CCDC186: variants seen among roughly 807,000 people sequenced by gnomAD.
CCDC186 encodes the protein coiled-coil domain-containing protein 186.
In CCDC186, 49 loss-of-function variants were observed where a neutral mutation model predicts 113.7. The ratio of observed to expected loss-of-function variants is 0.43; its 90% confidence interval spans 0.34 to 0.55. CCDC186 has a LOEUF of 0.55. CCDC186 is among the 20% of genes least tolerant of loss of function. The pLI is 0.02. For missense variants in CCDC186, 890 were observed against 1,011.1 expected (o/e 0.88, Z 1.62); for synonymous variants, 355 against 345.8 (o/e 1.03, Z -0.30).
In CCDC186 at chr10:114,160,867, T is replaced by A. The variant is rs978404671; in HGVS notation, c.632+1770A>T. Among the ~76,000 whole-genome samples the A allele has an allele frequency of 1.9e-4, 29 of 152,350 alleles. No individual in the cohort carries two copies. In the East Asian group the frequency reaches 5.4e-3, roughly 28 times the overall value. ...TTTGGAATTAAAAACATCATGTGTA[T>A]AACCAAAAATTAACCTTGATTTAAA... On this transcript the variant is annotated intron_variant, in intron 2 of 15. Transcript: ENST00000369287.
chr10:114,150,368 T>A (rs978397401), intron 4 of CCDC186, among the ~76,000 whole-genome samples: 6 of 152,156 alleles, frequency 3.9e-5, no homozygotes, highest in Admixed American at 3.3e-4. Context: ...CCAAGGTATA[T>A]TAAGTATGGG....
At chr10:114,157,178 AT>A (rs34377537) in intron 3 of CCDC186, among the ~76,000 whole-genome samples, 11,286 of 121,120 alleles carry the variant, frequency 0.093, 226 homozygotes, top group Middle Eastern at 0.14. Context: ...AGTTTTCAGA[AT>A]TTTTTTTTTT....
intron 10 of CCDC186, 130 bp downstream of exon 10, chr10:114,134,783 A>G: frequency 2.1e-6 from 2 of 955,184 alleles, no homozygotes; most frequent in Non-Finnish European, 3.1e-6. Context: ...GATAAAGAGA[A>G]AATATTTAAA....
chr10:114,160,161 T>C (rs1430814404), intron 2 of CCDC186, among the ~76,000 whole-genome samples: 1 of 151,894 alleles, frequency 6.6e-6, no homozygotes. Context: ...TCCCAGCTAC[T>C]TGGGAGCCTG....
intron 2 of CCDC186, among the ~76,000 whole-genome samples, chr10:114,158,484 TA>T (rs1297396458): frequency 6.6e-6 from 1 of 152,010 alleles, no homozygotes; most frequent in East Asian, 1.9e-4. Context: ...TTTTTTAATT[TA>T]AAAAAGTGTA....
In CCDC186 at chr10:114,125,148, T is replaced by A; in HGVS notation, c.2692A>T (p.Thr898Ser). 1 of 1,603,772 alleles carries A rather than the reference T, an allele frequency of 6.2e-7. No homozygotes were observed. Residue 898 changes from threonine (T) to serine (S), a missense_variant, in exon 16 of 16, where the codon ACC becomes TCC. By Grantham distance (58) the Thr-to-Ser change is moderately conservative. Coordinates refer to ENST00000369287, the MANE Select transcript of CCDC186 (RefSeq NM_018017.4). ...TACTGAGCAAGAGGCTTGTTTTAGG[T>A]TTTCTTTGTCCTCTGTTCTAGTTCA... is the stretch of plus-strand genomic sequence containing the variant. ...QHELEQRTKK[T>S]
In CCDC186 at chr10:114,138,048, AAAAAAAAAAAAAAAAAAAAAAAAAAT is replaced by A. The variant is rs1220489680; in HGVS notation, c.1222-784_1222-759del. On this transcript the variant is annotated intron_variant, in intron 6 of 15. Transcript: ENST00000369287. Reference sequence around the variant, plus strand: ...GTGAAACTCGGTCTCAAAAAAAAAAAAAAAAAAAAAAAAAAAAAAAAAAAATAAAAAAAATACACAAATTAGCCAGG... The same window carrying A: ...GTGAAACTCGGTCTCAAAAAAAAAAAAAAAAAAATACACAAATTAGCCAGG... Among the ~76,000 whole-genome samples, 336 of 53,540 alleles carry A rather than the reference AAAAAAAAAAAAAAAAAAAAAAAAAAT, an allele frequency of 6.3e-3. 1 individual carries two copies. The highest frequency in any genetic ancestry group is 0.028 in the African/African-American group (175 of 6,288). The allele number at this position is 53,540 out of a possible 152,430, so 35.1% of individuals were successfully genotyped here.
Position 114,159,712 on chromosome 10 carries a change from T to G in CCDC186, c.633-2032A>C, listed in dbSNP as rs547840385. On this transcript the variant is annotated intron_variant, in intron 2 of 15. Coordinates refer to ENST00000369287, the MANE Select transcript of CCDC186 (RefSeq NM_018017.4). ...GTGCATGCCTGTAATCCTGGCACTT[T>G]GGGAGGCCAGTGTGGGTGGATAGCC... Among the ~76,000 whole-genome samples the G allele has an allele frequency of 1.0e-3, 154 of 151,544 alleles. 6 individuals are homozygous for G. In the South Asian group the frequency reaches 0.029, roughly 29 times the overall value.
intron 4 of CCDC186, among the ~76,000 whole-genome samples, chr10:114,149,064 G>A (rs2031732074): frequency 1.3e-5 from 2 of 152,014 alleles, no homozygotes; most frequent in Non-Finnish European, 2.9e-5. Flanking sequence ...GAAAAGTTAG[G>A]GGGAAAAAAG....
At chr10:114,138,206 C>T (rs1483081360) in intron 6 of CCDC186, among the ~76,000 whole-genome samples, 1 of 150,466 alleles carries the variant, frequency 6.6e-6, no homozygotes, top group Non-Finnish European at 1.5e-5. Flanking sequence ...CACCACTGCA[C>T]TCCAGCCTGG....
In CCDC186 at chr10:114,124,364, T is replaced by C. The variant is rs758036202; in HGVS notation, c.*779A>G. 10 of 152,218 alleles carry C rather than the reference T, an allele frequency of 6.6e-5. No homozygotes were observed. The highest frequency in any genetic ancestry group is 1.5e-4 in the Non-Finnish European group (10 of 68,036). The allele number at this position is 152,218 out of a possible 1,614,324, so 9.4% of individuals were successfully genotyped here. A position where few individuals can be genotyped will look rare whatever the true frequency, so the allele number is the denominator to read the frequency against. On this transcript the variant is annotated 3_prime_UTR_variant, in exon 16 of 16. Transcript: ENST00000369287. The stretch of plus-strand genomic sequence containing the variant: ...CTAAAGTATTTCAGTTTCAAAGAAC[T>C]ATTCTCTCTGTTCTAATGATTGGAT...
intron 3 of CCDC186, among the ~76,000 whole-genome samples, chr10:114,156,377 A>G (rs1247368674): frequency 6.6e-6 from 1 of 152,256 alleles, no homozygotes; most frequent in East Asian, 1.9e-4. Flanking sequence ...CAGCTTTCCT[A>G]TTAGTCTGAA....
intron 6 of CCDC186, among the ~76,000 whole-genome samples, chr10:114,144,031 A>T (rs1564910446): frequency 6.6e-6 from 1 of 152,026 alleles, no homozygotes. Flanking sequence ...CTTATTCTTA[A>T]AATCTTTATA....
Position 114,157,540 on chromosome 10 carries a change from T to G in CCDC186, c.759+14A>C. 1 of 1,578,954 alleles carries G rather than the reference T, an allele frequency of 6.3e-7. No homozygotes were observed. The highest frequency in any genetic ancestry group is 8.6e-7 in the Non-Finnish European group (1 of 1,169,378). On this transcript the variant is annotated intron_variant, in intron 3 of 15. Transcript: ENST00000369287. ...AATTGAAGTATAGTCTTCGAAGATT[T>G]TTGTCTTTTTTACCTGTTTAATTGT...
Position 114,126,113 on chromosome 10 carries a change from A to G in CCDC186, c.2394-8T>C. ...ATATAACTTTGAATTATTCTGCAAA[A>G]CAAAATGATAGTATCAGTTGTGTAC... On this transcript the variant is annotated splice_polypyrimidine_tract_variant and splice_region_variant and intron_variant, in intron 14 of 15. Transcript: ENST00000369287. The G allele has an allele frequency of 6.2e-7, 1 of 1,608,320 alleles. No individual in the cohort carries two copies. The highest frequency in any genetic ancestry group is 1.1e-5 in the South Asian group (1 of 90,926).
At chr10:114,148,920 G>A (rs1010087473) in intron 4 of CCDC186, among the ~76,000 whole-genome samples, 4 of 152,360 alleles carry the variant, frequency 2.6e-5, no homozygotes, top group South Asian at 2.1e-4. Context: ...ATGAACATGG[G>A]TAAACACATA....
chr10:114,146,146 G>A (rs915653007), intron 4 of CCDC186, among the ~76,000 whole-genome samples: 3 of 152,172 alleles, frequency 2.0e-5, no homozygotes, highest in Admixed American at 1.3e-4. Context: ...CCCAACAGAA[G>A]GCAGTAGGCA....
At position 114,174,122 on chromosome 10, in the gene CCDC186, G is replaced by T. The variant is rs1232738592; in HGVS notation, c.-169C>A. 6.4e-6 allele frequency: 3 copies of T among 472,074 alleles called. No individual in the cohort carries two copies. Among genetic ancestry groups the T allele is most frequent in the African/African-American group, 6.0e-5 (3 of 50,112 alleles). 29.2% of individuals were successfully genotyped at this position (472,074 alleles called of 1,614,324 possible). ...CAACCAGCCAAGAGTGGGAGGAAAA[G>T]ACCGCGGTGAGAAACACAGCCGACG... is the stretch of plus-strand genomic sequence containing the variant. On this transcript the variant is annotated 5_prime_UTR_variant, in exon 1 of 16. Coordinates refer to ENST00000369287, the MANE Select transcript of CCDC186 (RefSeq NM_018017.4).
At chr10:114,148,181 C>T (rs776723491) in intron 4 of CCDC186, among the ~76,000 whole-genome samples, 11 of 152,016 alleles carry the variant, frequency 7.2e-5, no homozygotes, top group Non-Finnish European at 1.2e-4. Context: ...CAGGGAATGG[C>T]GCACCAGATA....
Sources: gnomAD v4.1 joint callset for allele counts (sites outside exome capture counted in the v4.1 genomes callset) on GRCh38, gnomAD v4.1.1 for gene constraint, MANE v1.5 for transcripts, NCBI Gene and HGNC (gene_info 2026-07-23, HGNC 2026-07-21) for gene names.